Variants in E2F3 observed in about 807,000 individuals in gnomAD.
E2F3 encodes the protein transcription factor E2F3.
In E2F3, 11 loss-of-function variants were observed where a neutral mutation model predicts 44.4. That is an observed-to-expected ratio of 0.25 (90% CI 0.16 to 0.41). The LOEUF is 0.41. Ranked by LOEUF, E2F3 falls within the 10% of genes least tolerant of loss-of-function variation. The pLI is 1.00. For synonymous variants in E2F3, 249 were observed against 253.0 expected, an observed-to-expected ratio of 0.98 and a Z score of 0.15; for missense variants, 487 against 583.6, an observed-to-expected ratio of 0.83 and a Z score of 1.70.
intron 1 of E2F3, among the ~76,000 whole-genome samples, chr6:20,404,658 A>AGG (rs1759432686): frequency 6.6e-6 from 1 of 152,162 alleles, no homozygotes; most frequent in Admixed American, 6.5e-5. Flanking sequence ...TTCGGTCTTA[A>AGG]CTGCTTTCCA....
intron 1 of E2F3, among the ~76,000 whole-genome samples, chr6:20,435,549 G>A (rs1486328574): frequency 1.3e-5 from 2 of 152,128 alleles, no homozygotes; most frequent in Non-Finnish European, 2.9e-5. Flanking sequence ...TCAAGAGATC[G>A]AGACCATCCT....
intron 1 of E2F3, among the ~76,000 whole-genome samples, chr6:20,474,432 G>A (rs1310217549): frequency 6.6e-6 from 1 of 152,188 alleles, no homozygotes; most frequent in African/African-American, 2.4e-5. Flanking sequence ...ACAGAGCCAG[G>A]CTTTACCACT....
intron 1 of E2F3, among the ~76,000 whole-genome samples, chr6:20,428,475 G>A (rs1392257016): frequency 1.3e-5 from 2 of 152,022 alleles, no homozygotes; most frequent in African/African-American, 4.8e-5. Context: ...CACCTGCCTC[G>A]GCCTCCCAAA....
At chr6:20,487,364 A>G (rs1762425226) in intron 5 of E2F3, among the ~76,000 whole-genome samples, 1 of 152,230 alleles carries the variant, frequency 6.6e-6, no homozygotes. Flanking sequence ...TAAAAAGAGA[A>G]TGAAAGTTAC....
rs923199183 is a variant in E2F3, at chr6:20,417,354, T to C, written c.393+14729T>C. On this transcript the variant is annotated intron_variant, in intron 1 of 6. Transcript: ENST00000346618. Reference sequence around the variant, plus strand: ...CTCATTATAAAAACCAATAAAGGCATTAAATAGACACCACGGTTCTTTGTG... The same window carrying C: ...CTCATTATAAAAACCAATAAAGGCACTAAATAGACACCACGGTTCTTTGTG... 3.3e-5 allele frequency among the ~76,000 whole-genome samples: 5 copies of C among 152,122 alleles called. No homozygotes were observed. The South Asian group carries it at 8.3e-4, about 25-fold the overall frequency.
chr6:20,429,505 A>G (rs1167719714), intron 1 of E2F3, among the ~76,000 whole-genome samples: 1 of 152,176 alleles, frequency 6.6e-6, no homozygotes, highest in East Asian at 1.9e-4. Context: ...AGGGTTTGGT[A>G]CTATCTGAGG....
intron 1 of E2F3, among the ~76,000 whole-genome samples, chr6:20,425,940 T>C (rs191506401): frequency 1.3e-5 from 2 of 152,374 alleles, no homozygotes; most frequent in East Asian, 3.9e-4. Context: ...TAATTTTCTT[T>C]GGAGAAGTTT....
intron 1 of E2F3, among the ~76,000 whole-genome samples, chr6:20,424,096 T>G (rs1177683096): frequency 6.6e-6 from 1 of 152,158 alleles, no homozygotes; most frequent in Non-Finnish European, 1.5e-5. Context: ...CAGTTTGAGT[T>G]TGGTGGCTTG....
intron 1 of E2F3, among the ~76,000 whole-genome samples, chr6:20,473,809 T>C (rs1425990336): frequency 2.0e-5 from 3 of 152,148 alleles, no homozygotes; most frequent in Admixed American, 6.5e-5. Context: ...AATCCCAGGA[T>C]TGACTGACCC....
At chr6:20,430,774 T>C (rs1026242609) in intron 1 of E2F3, among the ~76,000 whole-genome samples, 2 of 152,202 alleles carry the variant, frequency 1.3e-5, no homozygotes, top group Non-Finnish European at 2.9e-5. Flanking sequence ...TATAAAAGAA[T>C]TGGGTTATTT....
At chr6:20,463,320 A>T (rs1025348406) in intron 1 of E2F3, among the ~76,000 whole-genome samples, 1 of 152,172 alleles carries the variant, frequency 6.6e-6, no homozygotes, top group Non-Finnish European at 1.5e-5. Context: ...AGGCTGAGGT[A>T]GGAGGATAGC....
chr6:20,479,815 G>A (rs370552930), intron 1 of E2F3, 31 bp from the exon 2 acceptor site: 33 of 1,576,894 alleles, frequency 2.1e-5, no homozygotes, highest in South Asian at 1.3e-4. Flanking sequence ...CCATATGACC[G>A]GTGACGAGAG....
intron 1 of E2F3, among the ~76,000 whole-genome samples, chr6:20,439,602 G>A (rs758669143): frequency 4.6e-5 from 7 of 152,086 alleles, no homozygotes; most frequent in Non-Finnish European, 1.0e-4. Context: ...CGTGATCATA[G>A]CTCACTGCAG....
At chr6:20,420,910 C>A (rs1003022738) in intron 1 of E2F3, among the ~76,000 whole-genome samples, 5 of 152,214 alleles carry the variant, frequency 3.3e-5, no homozygotes, top group Non-Finnish European at 7.3e-5. Context: ...CCACACTAGA[C>A]CTTCTTTCAA....
At chr6:20,435,880 C>T (rs1238970188) in intron 1 of E2F3, among the ~76,000 whole-genome samples, 1 of 152,078 alleles carries the variant, frequency 6.6e-6, no homozygotes, top group Non-Finnish European at 1.5e-5. Flanking sequence ...ACTATTATTA[C>T]AGCCCTTATC....
chr6:20,415,457 T>C (rs774029714), intron 1 of E2F3, among the ~76,000 whole-genome samples: 1 of 152,150 alleles, frequency 6.6e-6, no homozygotes, highest in Non-Finnish European at 1.5e-5. Context: ...TTGTAGCAAG[T>C]TTAGCAGGAT....
intron 1 of E2F3, among the ~76,000 whole-genome samples, chr6:20,444,365 C>T (rs1003153274): frequency 2.0e-5 from 3 of 152,118 alleles, no homozygotes; most frequent in Admixed American, 6.5e-5. Context: ...GCAACAAGTT[C>T]GGTCTTTATG....
At position 20,488,424 on chromosome 6, in the gene E2F3, G is replaced by A. The variant is rs79005768; in HGVS notation, c.1135+176G>A. On this transcript the variant is annotated intron_variant, in intron 6 of 6. Coordinates refer to ENST00000346618, the MANE Select transcript of E2F3 (RefSeq NM_001949.5). The stretch of plus-strand genomic sequence containing the variant: ...AAGAAAATAATGATTTGGGAAAAAC[G>A]GCTCCTTCACCCACTTATGGAGTCG... Among the ~76,000 whole-genome samples the A allele has an allele frequency of 1.6e-4, 24 of 152,248 alleles. No individual in the cohort carries two copies. The East Asian group carries it at 3.5e-3, about 22-fold the overall frequency.
chr6:20,414,572 A>C (rs1424565726), intron 1 of E2F3, among the ~76,000 whole-genome samples: 1 of 152,212 alleles, frequency 6.6e-6, no homozygotes, highest in Non-Finnish European at 1.5e-5. Flanking sequence ...AGAGCCGTGT[A>C]AATTCTAAGT....
Sources: allele counts gnomAD v4.1 joint callset (sites outside exome capture counted in the v4.1 genomes callset), GRCh38; gene constraint gnomAD v4.1.1; transcripts MANE v1.5; gene names NCBI Gene and HGNC (gene_info 2026-07-23, HGNC 2026-07-21).